Variants in FUT8 observed in about 807,000 individuals in gnomAD.
The protein encoded by FUT8 is fucosyltransferase 8, also known as alpha-(1,6)-fucosyltransferase.
FUT8 carries 29 observed loss-of-function variants against 71.3 expected under a neutral mutation model. The ratio of observed to expected loss-of-function variants is 0.41; its 90% CI spans 0.30 to 0.55. The LOEUF is 0.55. Ranked by LOEUF, FUT8 falls within the 20% of genes least tolerant of loss-of-function variation. FUT8 has a pLI of 0.34. For synonymous variants in FUT8, 254 were observed against 239.3 expected, an observed-to-expected ratio of 1.06 and a Z score of -0.57; for missense variants, 544 against 702.1, an observed-to-expected ratio of 0.77 and a Z score of 2.55.
intron 3 of FUT8, among the ~76,000 whole-genome samples, chr14:65,590,819 T>G (rs1887644645): frequency 3.3e-5 from 5 of 152,138 alleles, no homozygotes; most frequent in African/African-American, 1.2e-4. Flanking sequence ...GATAGTAGTA[T>G]TCTTTCACCT....
intron 2 of FUT8, among the ~76,000 whole-genome samples, chr14:65,538,958 G>A (rs2139950015): frequency 6.6e-6 from 1 of 151,976 alleles, no homozygotes; most frequent in East Asian, 1.9e-4. Context: ...CAAAAAAAAC[G>A]CTGCTTCTAG....
At chr14:65,439,993 T>TATACAC (rs1555361023) in intron 1 of FUT8, among the ~76,000 whole-genome samples, 2 of 138,168 alleles carry the variant, frequency 1.4e-5, no homozygotes, top group African/African-American at 5.3e-5. Flanking sequence ...TATATATATG[T>TATACAC]ACACACACAC....
At chr14:65,463,220 C>T (rs2065993278) in intron 2 of FUT8, among the ~76,000 whole-genome samples, 1 of 152,100 alleles carries the variant, frequency 6.6e-6, no homozygotes, top group African/African-American at 2.4e-5. Flanking sequence ...TATTTCTATT[C>T]ACATTTCTAT....
intron 6 of FUT8, among the ~76,000 whole-genome samples, chr14:65,635,039 T>A (rs1890468999): frequency 6.6e-6 from 1 of 152,182 alleles, no homozygotes; most frequent in Non-Finnish European, 1.5e-5. Context: ...CTTGTAGAGG[T>A]CTTTTGCCTC....
At chr14:65,738,651 A>C (rs912593049) in intron 10 of FUT8, among the ~76,000 whole-genome samples, 1 of 152,038 alleles carries the variant, frequency 6.6e-6, no homozygotes, top group Non-Finnish European at 1.5e-5. Context: ...GCAAGCCTTC[A>C]TTTACCTGCC....
intron 2 of FUT8, among the ~76,000 whole-genome samples, chr14:65,523,324 G>A (rs1344452063): frequency 2.6e-5 from 4 of 152,214 alleles, no homozygotes; most frequent in Non-Finnish European, 5.9e-5. Flanking sequence ...CTGATGGCCA[G>A]TGATGATGAG....
chr14:65,392,639 G>A, the FUT8 span, among the ~76,000 whole-genome samples: 3 of 152,212 alleles, frequency 2.0e-5, no homozygotes, highest in Non-Finnish European at 2.9e-5. Flanking sequence ...TCACATGAGA[G>A]GCTTATTATT....
At position 65,455,619 on chromosome 14, in the gene FUT8, A is replaced by G. The variant is rs1356675890; in HGVS notation, c.-325-2A>G. The G allele has an allele frequency of 5.0e-5, 20 of 398,190 alleles. No individual in the cohort carries two copies. Among genetic ancestry groups the G allele is most frequent in the South Asian group, 3.8e-4 (3 of 7,856 alleles). 24.7% of individuals were successfully genotyped at this position (398,190 alleles called of 1,614,324 possible). On this transcript the variant is annotated splice_acceptor_variant, in intron 1 of 10. Coordinates refer to ENST00000673929, the MANE Select transcript of FUT8 (RefSeq NM_001371533.1). LOFTEE classifies it low-confidence loss of function (5UTR_SPLICE). ...ATTTCATATATTTTTATTTTGTTTC[A>G]GGTTGCTGCTTTTGCTCAGAGGACA...
chr14:65,519,384 T>C (rs916164743), intron 2 of FUT8, among the ~76,000 whole-genome samples: 2 of 152,210 alleles, frequency 1.3e-5, no homozygotes, highest in Non-Finnish European at 2.9e-5. Flanking sequence ...AGCTGTTGAA[T>C]AGGATGTATG....
intron 7 of FUT8, among the ~76,000 whole-genome samples, chr14:65,701,193 A>T (rs1894276764): frequency 6.6e-6 from 1 of 152,218 alleles, no homozygotes; most frequent in South Asian, 2.1e-4. Flanking sequence ...GGATCATATC[A>T]TCAAGAGTAG....
In FUT8 at chr14:65,660,242, C is replaced by G. The variant is rs933179622; in HGVS notation, c.598-9001C>G. Among the ~76,000 whole-genome samples, 13 of 152,066 alleles carry G rather than the reference C, an allele frequency of 8.5e-5. No individual in the cohort carries two copies. Among genetic ancestry groups the G allele is most frequent in the Admixed American group, 8.5e-4 (13 of 15,256 alleles). On this transcript the variant is annotated intron_variant, in intron 6 of 10. Transcript: ENST00000673929. The surrounding 1 kb of genome is among the most constrained non-coding windows in gnomAD (Gnocchi z 4.1). ...GACCACCTGGAACTCCCAGAGGTAA[C>G]AGAATACTGTCTTGAAAGCCTCAGT...
At chr14:65,395,229 T>A in the FUT8 span, among the ~76,000 whole-genome samples, 1 of 152,224 alleles carries the variant, frequency 6.6e-6, no homozygotes, top group Non-Finnish European at 1.5e-5. Context: ...TCCAGGCACA[T>A]GGTACAAGCT....
At chr14:65,668,356 GA>G (rs1892316596) in intron 6 of FUT8, among the ~76,000 whole-genome samples, 1 of 151,900 alleles carries the variant, frequency 6.6e-6, no homozygotes, top group Non-Finnish European at 1.5e-5. Context: ...ACTTAACAAG[GA>G]AAAAGCAACC....
rs188175658 is a variant in FUT8, at chr14:65,560,373, G to A, written c.-227-964G>A. On this transcript the variant is annotated intron_variant, in intron 2 of 10. Coordinates refer to ENST00000673929, the MANE Select transcript of FUT8 (RefSeq NM_001371533.1). The stretch of plus-strand genomic sequence containing the variant: ...AAAAAAAAATTTTTATAGAGATGGG[G>A]TTTCACCATCTTGCCAGATTGGTCT... Among the ~76,000 whole-genome samples, 461 of 152,190 alleles carry A rather than the reference G, an allele frequency of 3.0e-3. 1 individual carries two copies. The highest frequency in any genetic ancestry group is 5.3e-3 in the Non-Finnish European group (362 of 68,014).
At chr14:65,688,968 C>A (rs1893439970) in intron 7 of FUT8, among the ~76,000 whole-genome samples, 1 of 152,114 alleles carries the variant, frequency 6.6e-6, no homozygotes. Flanking sequence ...GGGAACTCTA[C>A]CTTCATTATC....
rs1003528867 is a variant in FUT8 at position 65,423,022 on chromosome 14, G to T, written c.-326+9808G>T. ...TTTTTTCGAGACTGAGTCTCGCTTT[G>T]TCACCCAGGCTGGAGTGCAGTGGCG... is the stretch of plus-strand genomic sequence containing the variant. On this transcript the variant is annotated intron_variant, in intron 1 of 10. Transcript: ENST00000673929. 4.5e-5 allele frequency among the ~76,000 whole-genome samples: 5 copies of T among 110,028 alleles called. No homozygotes were observed. In the Admixed American group the frequency reaches 4.6e-4, roughly 10 times the overall value. 72.2% of individuals were successfully genotyped at this position (110,028 alleles called of 152,430 possible). A position where few individuals can be genotyped will look rare whatever the true frequency, so the allele number is the denominator to read the frequency against.
chr14:65,454,229 C>T (rs1384162778), intron 1 of FUT8, among the ~76,000 whole-genome samples: 13 of 152,216 alleles, frequency 8.5e-5, no homozygotes, highest in Admixed American at 7.8e-4. Context: ...TAAACCTTTG[C>T]TGACTTTAGA....
chr14:65,523,095 G>A (rs1883194693), intron 2 of FUT8, among the ~76,000 whole-genome samples: 1 of 152,158 alleles, frequency 6.6e-6, no homozygotes. Context: ...ACCCAGTAAT[G>A]GGATGGCTGG....
intron 2 of FUT8, among the ~76,000 whole-genome samples, chr14:65,545,647 T>C (rs1168559212): frequency 6.6e-6 from 1 of 151,836 alleles, no homozygotes; most frequent in East Asian, 1.9e-4. Flanking sequence ...CTCTTTTCAG[T>C]TGTTAAAAAA....
Sources: gnomAD v4.1 joint callset for allele counts (sites outside exome capture counted in the v4.1 genomes callset) on GRCh38, gnomAD v4.1.1 for gene constraint, Gnocchi (gnomAD v3.1) non-coding constraint, MANE v1.5 for transcripts, NCBI Gene and HGNC (gene_info 2026-07-23, HGNC 2026-07-21) for gene names.